Variants in SLC40A1 observed in about 807,000 individuals in gnomAD.
The protein encoded by SLC40A1 is solute carrier family 40 member 1, also known as ferroportin.
Under a neutral mutation model 53.5 loss-of-function variants are expected in SLC40A1, and 16 were observed. The observed-to-expected ratio is 0.30, with a 90% confidence interval of 0.20 to 0.45. The LOEUF is 0.45. Among genes scored for constraint, SLC40A1 ranks in the 20% least tolerant of loss-of-function variants. The pLI is 1.00. For synonymous variants in SLC40A1, 247 were observed against 253.2 expected, an observed-to-expected ratio of 0.98 and a Z score of 0.23; for missense variants, 545 against 695.4, an observed-to-expected ratio of 0.78 and a Z score of 2.43.
At chr2:189,562,249 T>G in intron 7 of SLC40A1, 58 bp from the exon 8 acceptor site, 1 of 1,355,232 alleles carries the variant, frequency 7.4e-7, no homozygotes, top group South Asian at 1.3e-5. Context: ...ACATTTCAAA[T>G]CACAGATAAA....
intron 6 of SLC40A1, 123 bp downstream of exon 6, chr2:189,565,231 T>C (rs1388478734): frequency 6.5e-6 from 8 of 1,239,756 alleles, no homozygotes; most frequent in Non-Finnish European, 9.3e-6. Context: ...AAGCGATATA[T>C]TTAACCTCAT....
At chr2:189,566,902 AG>A (rs1219202259) in intron 5 of SLC40A1, among the ~76,000 whole-genome samples, 3 of 152,228 alleles carry the variant, frequency 2.0e-5, no homozygotes, top group Non-Finnish European at 4.4e-5. Context: ...GAAGCATGAA[AG>A]GACCAACTCT....
At chr2:189,574,296 A>G (rs2031224677) in intron 3 of SLC40A1, among the ~76,000 whole-genome samples, 1 of 152,224 alleles carries the variant, frequency 6.6e-6, no homozygotes, top group African/African-American at 2.4e-5. Context: ...TCTAGATTAC[A>G]GAACTTTTCT....
In SLC40A1 at chr2:189,561,825, A is replaced by T; in HGVS notation, c.*53T>A. ...TTATTGGAATTCTGCAGTACAAAAT[A>T]AGCACATGTGCTCTATATAATCTAG... On this transcript the variant is annotated 3_prime_UTR_variant, in exon 8 of 8. Coordinates refer to ENST00000261024, the MANE Select transcript of SLC40A1 (RefSeq NM_014585.6). 5.5e-6 allele frequency: 8 copies of T among 1,453,170 alleles called. No individual in the cohort carries two copies. 90.0% of individuals were successfully genotyped at this position (1,453,170 alleles called of 1,614,324 possible).
At chr2:189,572,159 G>A (rs1480983620) in intron 4 of SLC40A1, among the ~76,000 whole-genome samples, 1 of 152,084 alleles carries the variant, frequency 6.6e-6, no homozygotes, top group Non-Finnish European at 1.5e-5. Flanking sequence ...TATTGCCTTT[G>A]AAAAGAATGT....
intron 4 of SLC40A1, 93 bp from the exon 5 acceptor site, chr2:189,571,934 GGAAT>G: frequency 1.2e-6 from 1 of 831,546 alleles, no homozygotes; most frequent in South Asian, 1.4e-5. Context: ...AGTCTTTGGT[GGAAT>G]GATAAAAAAA....
In SLC40A1 at chr2:189,562,274, T is replaced by A. The variant is rs956571518; in HGVS notation, c.1403-83A>T. 2.8e-6 allele frequency: 3 copies of A among 1,066,888 alleles called. No homozygotes were observed. In the Admixed American group the frequency reaches 6.5e-5, roughly 23 times the overall value. 66.1% of individuals were successfully genotyped at this position (1,066,888 alleles called of 1,614,324 possible). On this transcript the variant is annotated intron_variant, in intron 7 of 7. Transcript: ENST00000261024. ...TCACAGATAAAAATCTGTTGACATA[T>A]GCAAAATATACATTTTAGCCTGACT...
intron 2 of SLC40A1, among the ~76,000 whole-genome samples, chr2:189,577,809 G>A (rs909203838): frequency 6.6e-5 from 10 of 151,670 alleles, no homozygotes; most frequent in Admixed American, 4.6e-4. Context: ...CAGAGACAGA[G>A]TCTCCCTATG....
chr2:189,578,344 G>T, intron 2 of SLC40A1: 1 of 1,002,368 alleles, frequency 1.0e-6, no homozygotes, highest in Admixed American at 6.1e-5. Flanking sequence ...AACTTCCTTT[G>T]CTTGACTTAC....
In SLC40A1 at chr2:189,580,159, GGTTT is replaced by G. The variant is rs5837154; in HGVS notation, c.43+255_43+258del. 0.54 allele frequency among the ~76,000 whole-genome samples: 82,241 copies of G among 151,428 alleles called. 24,095 individuals carry two copies. Among genetic ancestry groups the G allele is most frequent in the East Asian group, 0.79 (4,019 of 5,118 alleles). ...TTCAGCATTCTTTTTTGGGTTGGTT[GGTTT>G]GTTTGTTTTGTTTCTTTTTTACACA... On this transcript the variant is annotated intron_variant, in intron 1 of 7. Transcript: ENST00000261024.
In SLC40A1 at chr2:189,561,774, A is replaced by G; in HGVS notation, c.*104T>C. 1 of 1,020,888 alleles carries G rather than the reference A, an allele frequency of 9.8e-7. No individual in the cohort carries two copies. The highest frequency in any genetic ancestry group is 1.5e-6 in the Non-Finnish European group (1 of 664,040). 63.2% of individuals were successfully genotyped at this position (1,020,888 alleles called of 1,614,324 possible). The stretch of plus-strand genomic sequence containing the variant: ...TTAGTTCTCAAGGCACAGCTGTGGT[A>G]AAAACAGAGCAAAACACCCAGCCAT... On this transcript the variant is annotated 3_prime_UTR_variant, in exon 8 of 8. Coordinates refer to ENST00000261024, the MANE Select transcript of SLC40A1 (RefSeq NM_014585.6).
rs1399407083 is a variant in SLC40A1 at position 189,578,125 on chromosome 2, T to C, written c.111+1688A>G. The C allele has an allele frequency of 7.6e-6, 6 of 792,040 alleles. No individual in the cohort carries two copies. In the East Asian group the frequency reaches 3.8e-4, roughly 50 times the overall value. The allele number at this position is 792,040 out of a possible 1,614,324, so 49.1% of individuals were successfully genotyped here. A position where few individuals can be genotyped will look rare whatever the true frequency, so the allele number is the denominator to read the frequency against. On this transcript the variant is annotated intron_variant, in intron 2 of 7. Coordinates refer to ENST00000261024, the MANE Select transcript of SLC40A1 (RefSeq NM_014585.6). ...AAAATGCATATATATATAATACATA[T>C]ACACACACACATAATACAGAAACAT...
At chr2:189,576,335 C>T (rs1228926021) in intron 2 of SLC40A1, among the ~76,000 whole-genome samples, 2 of 152,142 alleles carry the variant, frequency 1.3e-5, no homozygotes, top group Non-Finnish European at 2.9e-5. Flanking sequence ...CTGTTAACAT[C>T]TTCATGAAAA....
intron 2 of SLC40A1, among the ~76,000 whole-genome samples, chr2:189,576,989 G>A (rs1017637741): frequency 7.2e-5 from 11 of 152,086 alleles, no homozygotes; most frequent in Admixed American, 7.2e-4. Flanking sequence ...AATTTCCAAC[G>A]GGCTTAGGCT....
At chr2:189,562,654 T>C (rs2030782740) in intron 7 of SLC40A1, among the ~76,000 whole-genome samples, 1 of 152,184 alleles carries the variant, frequency 6.6e-6, no homozygotes, top group Admixed American at 6.5e-5. Flanking sequence ...GAAATTAATA[T>C]CTTCAATAAA....
chr2:189,562,138 C>A lies in SLC40A1; in HGVS notation c.1456G>T (p.Glu486Ter). 6.2e-7 allele frequency: 1 copy of A among 1,613,734 alleles called. No homozygotes were observed. Among genetic ancestry groups the A allele is most frequent in the South Asian group, 1.1e-5 (1 of 91,016 alleles). Residue 486 changes from glutamate to a stop codon, truncating the protein, a stop_gained, in exon 8 of 8, where the codon GAA becomes TAA. Transcript: ENST00000261024. LOFTEE classifies it high-confidence loss of function. Reference protein sequence around the residue: ...VTQLLQENVIESERGIINGVQ... With the variant: ...VTQLLQENVI ...CCATTTATAATGCCTCTTTCAGATT[C>A]AATTACATTTTCTTGCAGCAACTGT...
Position 189,572,913 on chromosome 2 carries a change from C to G in SLC40A1, c.320G>C (p.Gly107Ala). The G allele has an allele frequency of 6.2e-7, 1 of 1,613,998 alleles. No individual in the cohort carries two copies. Among genetic ancestry groups the G allele is most frequent in the African/African-American group, 1.3e-5 (1 of 75,030 alleles). ...VVQNVSVILCGIILMMVFLHK... is the reference protein window; with the variant it reads ...VVQNVSVILCAIILMMVFLHK... ...TAAGAAAACCATCATCAGGATGATT[C>G]CACACAGGATGACTGAAACATTCTG... Residue 107 changes from glycine to alanine, a missense_variant, in exon 4 of 8, where the codon GGA becomes GCA. This residue lies in a region of SLC40A1 where 197 missense variants were observed against 278.8 expected (regional missense o/e 0.71). Transcript: ENST00000261024.
chr2:189,571,272 A>T (rs1313695541), intron 5 of SLC40A1, among the ~76,000 whole-genome samples: 3 of 152,132 alleles, frequency 2.0e-5, no homozygotes, highest in Non-Finnish European at 4.4e-5. Flanking sequence ...AGATGGAAGA[A>T]ATTAACTTCT....
At chr2:189,575,459 G>T in intron 2 of SLC40A1, 139 bp from the exon 3 acceptor site, 1 of 768,622 alleles carries the variant, frequency 1.3e-6, no homozygotes. Context: ...CTCTTAGATT[G>T]AATACTGCTC....
Sources: allele counts gnomAD v4.1 joint callset (sites outside exome capture counted in the v4.1 genomes callset), GRCh38; gene constraint gnomAD v4.1.1; regional missense constraint gnomAD v4.1.1; transcripts MANE v1.5; gene names NCBI Gene and HGNC (gene_info 2026-07-23, HGNC 2026-07-21).